CEP128: variants seen among roughly 807,000 people sequenced by gnomAD.
The protein encoded by CEP128 is centrosomal protein 128kDa.
CEP128 carries 132 observed loss-of-function variants against 156.7 expected under a neutral mutation model. The observed-to-expected ratio is 0.84, with a 90% confidence interval of 0.73 to 0.97. The LOEUF (loss-of-function observed/expected upper bound fraction) is 0.97, where lower values mean the gene tolerates loss of function less well. Among genes scored for constraint, CEP128 ranks in the 50% least tolerant of loss-of-function variants. The pLI, the probability that CEP128 is intolerant of heterozygous loss-of-function variation, is 0.00. For missense variants in CEP128, 1,252 were observed against 1,281.9 expected (o/e 0.98, Z 0.36); for synonymous variants, 469 against 448.9 (o/e 1.04, Z -0.57).
intron 14 of CEP128, among the ~76,000 whole-genome samples, chr14:80,478,934 C>T (rs1300764094): frequency 6.6e-6 from 1 of 152,078 alleles, no homozygotes; most frequent in African/African-American, 2.4e-5. Flanking sequence ...TGATTTGTTG[C>T]TGATTAATAA....
At chr14:80,831,666 TA>T (rs1885808549) in intron 12 of CEP128, among the ~76,000 whole-genome samples, 2 of 151,086 alleles carry the variant, frequency 1.3e-5, no homozygotes, top group South Asian at 4.2e-4. Context: ...ATCTACAAAA[TA>T]TTTTTTTTGC....
chr14:80,693,384 T>C (rs766139107), intron 19 of CEP128, among the ~76,000 whole-genome samples: 1 of 152,212 alleles, frequency 6.6e-6, no homozygotes, highest in Non-Finnish European at 1.5e-5. Flanking sequence ...TGTAAACAGG[T>C]ATGTTCTATT....
At chr14:80,694,445 G>A (rs926215580) in intron 19 of CEP128, among the ~76,000 whole-genome samples, 4 of 152,088 alleles carry the variant, frequency 2.6e-5, no homozygotes, top group Non-Finnish European at 5.9e-5. Context: ...AAAGACACAT[G>A]AACATATATG....
At chr14:80,705,445 G>C (rs895710286) in intron 19 of CEP128, among the ~76,000 whole-genome samples, 3 of 152,148 alleles carry the variant, frequency 2.0e-5, no homozygotes, top group African/African-American at 2.4e-5. Context: ...ATAGGTGAGA[G>C]AGAATTAGTC....
chr14:80,552,459 C>G (rs1361696089), intron 21 of CEP128, among the ~76,000 whole-genome samples: 4 of 152,306 alleles, frequency 2.6e-5, no homozygotes, highest in East Asian at 3.9e-4. Flanking sequence ...TTTACCAGCT[C>G]TCTTTGAACA....
intron 8 of CEP128, among the ~76,000 whole-genome samples, chr14:80,888,911 T>C (rs1444582146): frequency 6.6e-6 from 1 of 152,150 alleles, no homozygotes; most frequent in Non-Finnish European, 1.5e-5. Context: ...TTCCTTAAGC[T>C]GATAAGCAAC....
chr14:80,780,518 G>T (rs1901049926), intron 15 of CEP128, among the ~76,000 whole-genome samples: 1 of 151,692 alleles, frequency 6.6e-6, no homozygotes, highest in Non-Finnish European at 1.5e-5. Flanking sequence ...ACCCCTCCCA[G>T]ATCTCAAGCT....
intron 18 of CEP128, 141 bp from the exon 19 acceptor site, chr14:80,743,408 G>C (rs1312387074): frequency 1.6e-6 from 1 of 635,730 alleles, no homozygotes; most frequent in African/African-American, 1.8e-5. Flanking sequence ...AAATATCCAT[G>C]TTTAATTTGC....
At chr14:80,794,253 T>A (rs1901870970) in intron 13 of CEP128, among the ~76,000 whole-genome samples, 1 of 152,236 alleles carries the variant, frequency 6.6e-6, no homozygotes, top group Admixed American at 6.5e-5. Flanking sequence ...CCAGATTCTA[T>A]GATCTATGGC....
At chr14:80,680,379 C>T (rs1896270752) in intron 19 of CEP128, among the ~76,000 whole-genome samples, 1 of 152,258 alleles carries the variant, frequency 6.6e-6, no homozygotes, top group Non-Finnish European at 1.5e-5. Flanking sequence ...TCCCACCCTT[C>T]GTGGATATAG....
chr14:80,527,010 G>A, intron 22 of CEP128, 28 bp from the exon 23 acceptor site: 7 of 1,048,798 alleles, frequency 6.7e-6, no homozygotes, highest in African/African-American at 1.6e-5. Context: ...CAAAGGGTCT[G>A]AACTGGTAGA....
chr14:80,534,643 G>C (rs1362512987), intron 21 of CEP128, among the ~76,000 whole-genome samples: 1 of 152,018 alleles, frequency 6.6e-6, no homozygotes, highest in Non-Finnish European at 1.5e-5. Context: ...GGTGAACACG[G>C]TGAAACCCCA....
rs1051624508 is a variant in CEP128 at position 80,939,546 on chromosome 14, A to C, written c.-171-6T>G. The C allele has an allele frequency of 2.6e-5, 4 of 152,212 alleles. No individual in the cohort carries two copies. Among genetic ancestry groups the C allele is most frequent in the African/African-American group, 9.7e-5 (4 of 41,448 alleles). The allele number at this position is 152,212 out of a possible 1,614,324, so 9.4% of individuals were successfully genotyped here. A position where few individuals can be genotyped will look rare whatever the true frequency, so the allele number is the denominator to read the frequency against. ...CTACACTTTCCCCAAACCACCTACA[A>C]ATAAACAAAACAAGGGGGTAAGACA... is the stretch of plus-strand genomic sequence containing the variant. On this transcript the variant is annotated splice_polypyrimidine_tract_variant and splice_region_variant and intron_variant, in intron 1 of 24. Transcript: ENST00000555265.
At chr14:80,917,535 GTTTTC>G (rs1217656706) in intron 2 of CEP128, among the ~76,000 whole-genome samples, 2 of 152,034 alleles carry the variant, frequency 1.3e-5, no homozygotes, top group East Asian at 3.9e-4. Flanking sequence ...TTTTTGTTTT[GTTTTC>G]TTTTGTTTTT....
chr14:80,763,275 G>A (rs188919213), intron 16 of CEP128, among the ~76,000 whole-genome samples: 26 of 152,270 alleles, frequency 1.7e-4, no homozygotes, highest in African/African-American at 6.3e-4. Flanking sequence ...GGGTGCTGAG[G>A]TGTATCTCCC....
At chr14:80,731,044 A>C (rs545957950) in intron 19 of CEP128, among the ~76,000 whole-genome samples, 1 of 152,306 alleles carries the variant, frequency 6.6e-6, no homozygotes, top group East Asian at 1.9e-4. Context: ...CTAATGGTAT[A>C]GTCATTAAGA....
At chr14:80,674,539 T>A (rs1398990034) in intron 19 of CEP128, among the ~76,000 whole-genome samples, 1 of 152,116 alleles carries the variant, frequency 6.6e-6, no homozygotes, top group Non-Finnish European at 1.5e-5. Context: ...AGGGATTAAT[T>A]TTCTTCTCCT....
intron 16 of CEP128, among the ~76,000 whole-genome samples, chr14:80,771,648 A>G (rs327473): frequency 6.6e-6 from 1 of 152,020 alleles, no homozygotes; most frequent in Non-Finnish European, 1.5e-5. Context: ...ATAGCCTTAG[A>G]TGTCTCATAA....
intron 19 of CEP128, among the ~76,000 whole-genome samples, chr14:80,695,874 A>C (rs1265503450): frequency 1.3e-5 from 2 of 152,158 alleles, no homozygotes; most frequent in Non-Finnish European, 2.9e-5. Flanking sequence ...ATGCTTCAAA[A>C]AAATTTTTTT....
Sources: allele counts gnomAD v4.1 joint callset (sites outside exome capture counted in the v4.1 genomes callset), GRCh38; gene constraint gnomAD v4.1.1; transcripts MANE v1.5; gene names NCBI Gene and HGNC (gene_info 2026-07-23, HGNC 2026-07-21).